Variants in KIAA1217 observed in about 807,000 individuals in gnomAD.
The protein encoded by KIAA1217 is KIAA1217.
KIAA1217 carries 88 observed loss-of-function variants against 163.9 expected under a neutral mutation model. That is an observed-to-expected ratio of 0.54 (90% confidence interval 0.45 to 0.64). KIAA1217 has a LOEUF of 0.64. KIAA1217 is among the 30% of genes least tolerant of loss of function. The probability of loss-of-function intolerance (pLI) is 0.00; values close to 1 mark genes in which losing one functional copy is unlikely to be tolerated. For missense variants in KIAA1217, 2,372 were observed against 2,475.0 expected, an observed-to-expected ratio of 0.96 and a Z score of 0.88; for synonymous variants, 903 against 923.1, an observed-to-expected ratio of 0.98 and a Z score of 0.39.
chr10:24,540,688 G>A lies in KIAA1217; in HGVS notation c.3535-2005G>A, dbSNP rs148555145. Among the ~76,000 whole-genome samples the A allele has an allele frequency of 3.3e-5, 5 of 152,282 alleles. No individual in the cohort carries two copies. The South Asian group carries it at 1.0e-3, about 32-fold the overall frequency. ...ATTCAGGGGGCAAATTCTCATTTGG[G>A]TCCTAGCATGATATGCTGACTCCAT... On this transcript the variant is annotated intron_variant, in intron 17 of 20. Coordinates refer to ENST00000376454, the MANE Select transcript of KIAA1217 (RefSeq NM_019590.5).
intron 1 of KIAA1217, among the ~76,000 whole-genome samples, chr10:23,793,691 G>A (rs934391764): frequency 4.6e-5 from 7 of 152,070 alleles, no homozygotes; most frequent in African/African-American, 1.4e-4. Flanking sequence ...ACAGAAGTTC[G>A]CCTGCTGTCT....
chr10:24,508,325 G>T (rs1180845447), intron 9 of KIAA1217, among the ~76,000 whole-genome samples: 1 of 152,162 alleles, frequency 6.6e-6, no homozygotes, highest in Non-Finnish European at 1.5e-5. Flanking sequence ...CAGCGCTCTA[G>T]AAGTAGAAGG....
intron 14 of KIAA1217, 54 bp from the exon 15 acceptor site, chr10:24,531,776 T>C (rs2135058423): frequency 6.7e-7 from 1 of 1,486,982 alleles, no homozygotes; most frequent in Non-Finnish European, 9.0e-7. Flanking sequence ...TACCAGACTT[T>C]CTGGATGTTT....
chr10:23,865,774 T>G (rs184329966), intron 1 of KIAA1217, among the ~76,000 whole-genome samples: 116 of 152,268 alleles, frequency 7.6e-4, no homozygotes, highest in African/African-American at 2.6e-3. Flanking sequence ...ACAGTAAAAT[T>G]TATTAAGGTT....
chr10:24,293,572 G>A (rs1325252713), intron 2 of KIAA1217, among the ~76,000 whole-genome samples: 1 of 152,212 alleles, frequency 6.6e-6, no homozygotes, highest in Non-Finnish European at 1.5e-5. Context: ...GCAGCCGTCA[G>A]GCTGAGAGTG....
intron 1 of KIAA1217, among the ~76,000 whole-genome samples, chr10:23,987,107 G>A (rs1846003799): frequency 2.0e-5 from 3 of 152,048 alleles, no homozygotes; most frequent in South Asian, 2.1e-4. Flanking sequence ...GCCAGGCGTG[G>A]TGGCTCACAC....
intron 2 of KIAA1217, among the ~76,000 whole-genome samples, chr10:24,064,417 G>C (rs1313042957): frequency 6.6e-6 from 1 of 152,084 alleles, no homozygotes; most frequent in Non-Finnish European, 1.5e-5. Flanking sequence ...TTTTGTCTTT[G>C]GTTCTGTTTA....
chr10:24,062,902 T>C lies in KIAA1217; in HGVS notation c.-171+55528T>C, dbSNP rs574314369. On this transcript the variant is annotated intron_variant, in intron 2 of 18. Coordinates refer to the KIAA1217 transcript ENST00000376462. The stretch of plus-strand genomic sequence containing the variant: ...CTGTGATGGCCAGTGATGATGAGCA[T>C]TTTTTCATGTGTTTTTTTGGCTGCA... Among the ~76,000 whole-genome samples, 24 of 136,466 alleles carry C rather than the reference T, an allele frequency of 1.8e-4. No individual in the cohort carries two copies. In the South Asian group the frequency reaches 5.0e-3, roughly 29 times the overall value. The allele number at this position is 136,466 out of a possible 152,430, so 89.5% of individuals were successfully genotyped here.
At chr10:23,707,981 C>T (rs1836997931) in intron 1 of KIAA1217, among the ~76,000 whole-genome samples, 1 of 152,108 alleles carries the variant, frequency 6.6e-6, no homozygotes, top group Non-Finnish European at 1.5e-5. Flanking sequence ...TGTATTAGTC[C>T]ATTTTCATGC....
intron 1 of KIAA1217, among the ~76,000 whole-genome samples, chr10:23,702,666 TACACACACACACACACACACAC>T (rs377621544): frequency 7.4e-6 from 1 of 134,422 alleles, no homozygotes; most frequent in South Asian, 2.5e-4. Flanking sequence ...AACAGGAGAA[TACACACACACACACACACACAC>T]ACACACACAC....
chr10:24,218,172 TG>T (rs1324229792), intron 1 of KIAA1217, among the ~76,000 whole-genome samples: 1 of 152,144 alleles, frequency 6.6e-6, no homozygotes, highest in Non-Finnish European at 1.5e-5. Context: ...CTAATCTATT[TG>T]TTTTTTTTAA....
At position 24,473,472 on chromosome 10, in the gene KIAA1217, C is replaced by G; in HGVS notation, c.1091C>G (p.Pro364Arg). Residue 364 changes from proline (P) to arginine (R), a missense_variant, in exon 6 of 21, where the codon CCA becomes CGA. Around this residue, in one of 3 missense-constraint regions of KIAA1217, gnomAD observed 1,431 missense variants for 1,470.3 expected, o/e 0.97. Transcript: ENST00000376454. ...LPVSRPISPSPSAILERRDVK... is the reference protein window; with the variant it reads ...LPVSRPISPSRSAILERRDVK... ...GTCTCCAGACCCATCTCTCCAAGCCCAAGCGCCATTTTAGAAAGAAGAGAT... is the reference window on the plus strand; with the variant it reads ...GTCTCCAGACCCATCTCTCCAAGCCGAAGCGCCATTTTAGAAAGAAGAGAT... 2 of 1,614,170 alleles carry G rather than the reference C, an allele frequency of 1.2e-6. No homozygotes were observed. Among genetic ancestry groups the G allele is most frequent in the Non-Finnish European group, 1.7e-6 (2 of 1,180,032 alleles).
At chr10:24,017,143 C>G (rs1464572730) in intron 2 of KIAA1217, among the ~76,000 whole-genome samples, 1 of 150,700 alleles carries the variant, frequency 6.6e-6, no homozygotes, top group Non-Finnish European at 1.5e-5. Context: ...GCCTTGAACT[C>G]AGGGGCTCAA....
intron 1 of KIAA1217, among the ~76,000 whole-genome samples, chr10:23,946,278 A>AG (rs1844037916): frequency 1.3e-5 from 2 of 151,596 alleles, no homozygotes; most frequent in Non-Finnish European, 2.9e-5. Context: ...AAAAAAAAAA[A>AG]AAAAAAGTAA....
chr10:24,213,265 T>C (rs912373907), intron 1 of KIAA1217, among the ~76,000 whole-genome samples: 1 of 152,216 alleles, frequency 6.6e-6, no homozygotes, highest in Non-Finnish European at 1.5e-5. Flanking sequence ...CCATGGGCTC[T>C]ACATTGTGAC....
intron 2 of KIAA1217, among the ~76,000 whole-genome samples, chr10:24,041,913 G>T (rs535807512): frequency 5.3e-4 from 81 of 151,888 alleles, no homozygotes; most frequent in African/African-American, 1.8e-3. Flanking sequence ...TAGGCTGTCT[G>T]GTGTGTAGTC....
chr10:24,545,349 G>A, intron 20 of KIAA1217: 1 of 1,383,230 alleles, frequency 7.2e-7, no homozygotes, highest in Non-Finnish European at 9.3e-7. Flanking sequence ...GTTAACACAC[G>A]GTGCCAGACC....
intron 5 of KIAA1217, among the ~76,000 whole-genome samples, chr10:24,467,504 G>T (rs2132820035): frequency 6.6e-6 from 1 of 152,292 alleles, no homozygotes; most frequent in East Asian, 1.9e-4. Context: ...TTCTGTGTCT[G>T]GGCTTAGGTG....
intron 2 of KIAA1217, among the ~76,000 whole-genome samples, chr10:24,155,204 C>A (rs2064820203): frequency 6.6e-6 from 1 of 152,134 alleles, no homozygotes; most frequent in South Asian, 2.1e-4. Flanking sequence ...CTCCTGTTAA[C>A]CTGCTCCTGC....
Sources: allele counts gnomAD v4.1 joint callset (sites outside exome capture counted in the v4.1 genomes callset), GRCh38; gene constraint gnomAD v4.1.1; regional missense constraint gnomAD v4.1.1; transcripts MANE v1.5; gene names NCBI Gene and HGNC (gene_info 2026-07-23, HGNC 2026-07-21).